KIF25: variants seen among roughly 807,000 people sequenced by gnomAD.
KIF25 encodes kinesin family member 25, also known as kinesin-like protein KIF25.
KIF25 carries 19 observed loss-of-function variants against 32.9 expected under a neutral mutation model. The observed-to-expected ratio is 0.58, with a 90% CI of 0.40 to 0.85. The LOEUF is 0.85. KIF25 is among the 40% of genes least tolerant of loss of function. KIF25 has a pLI of 0.00. For synonymous variants in KIF25, 225 were observed against 213.7 expected (o/e 1.05, Z -0.46); for missense variants, 485 against 507.0 (o/e 0.96, Z 0.42).
intron 4 of KIF25, among the ~76,000 whole-genome samples, chr6:168,006,157 G>T (rs1338742595): frequency 6.6e-6 from 1 of 151,980 alleles, no homozygotes; most frequent in Non-Finnish European, 1.5e-5. Context: ...CTCTCCATGT[G>T]ACATTAATTT....
chr6:168,013,166 C>T lies in KIF25; in HGVS notation c.-162-4807C>T, dbSNP rs549609946. The stretch of plus-strand genomic sequence containing the variant: ...TGTCCTGAGCACAGGTGCCCAGCCC[C>T]TCCTCTGGCCTGGAGGTGTATTAGC... On this transcript the variant is annotated intron_variant, in intron 4 of 12. Transcript: ENST00000643607. 3.9e-5 allele frequency among the ~76,000 whole-genome samples: 6 copies of T among 152,010 alleles called. No homozygotes were observed. In the South Asian group the frequency reaches 1.2e-3, roughly 32 times the overall value.
intron 4 of KIF25, among the ~76,000 whole-genome samples, chr6:168,006,003 ATG>A (rs905570353): frequency 6.6e-6 from 1 of 152,152 alleles, no homozygotes; most frequent in African/African-American, 2.4e-5. Context: ...GGCGGCTCTC[ATG>A]GGAGGGTCAG....
chr6:168,043,339 T>C (rs922007005), intron 12 of KIF25, among the ~76,000 whole-genome samples: 1 of 152,140 alleles, frequency 6.6e-6, no homozygotes, highest in African/African-American at 2.4e-5. Context: ...GAGGTGGCCC[T>C]GGGCCCTGTA....
intron 4 of KIF25, among the ~76,000 whole-genome samples, chr6:168,004,997 CTAGTAATAA>C (rs1798559642): frequency 6.6e-6 from 1 of 152,222 alleles, no homozygotes; most frequent in African/African-American, 2.4e-5. Context: ...CCTGGCTTCT[CTAGTAATAA>C]CTTTTGTTTT....
At chr6:168,016,387 C>T (rs1461233527) in intron 4 of KIF25, among the ~76,000 whole-genome samples, 1 of 152,268 alleles carries the variant, frequency 6.6e-6, no homozygotes, top group East Asian at 1.9e-4. Context: ...CACGCGCAAC[C>T]TCCACATCCT....
intron 5 of KIF25, among the ~76,000 whole-genome samples, chr6:168,020,333 A>G (rs1262047976): frequency 1.3e-5 from 2 of 152,202 alleles, no homozygotes; most frequent in Non-Finnish European, 2.9e-5. Flanking sequence ...GCCAGTGAAA[A>G]TGTCTTTCAA....
chr6:168,001,095 G>A (rs1798494443), intron 2 of KIF25, among the ~76,000 whole-genome samples: 1 of 152,240 alleles, frequency 6.6e-6, no homozygotes, highest in South Asian at 2.1e-4. Flanking sequence ...CTTGTCACTT[G>A]TCAAAGGACT....
chr6:168,036,746 G>A (rs1227694787), intron 8 of KIF25, among the ~76,000 whole-genome samples: 3 of 152,218 alleles, frequency 2.0e-5, no homozygotes, highest in African/African-American at 7.2e-5. Context: ...TGCCTAAGGT[G>A]TGGAGAGGAG....
At chr6:168,042,865 C>G (rs1799149788) in intron 12 of KIF25, 149 bp downstream of exon 12, 1 of 917,432 alleles carries the variant, frequency 1.1e-6, no homozygotes, top group East Asian at 2.7e-5. Flanking sequence ...ACTCCCACGG[C>G]ACGGTGGTCA....
At chr6:168,041,021 A>G (rs901445487) in intron 10 of KIF25, among the ~76,000 whole-genome samples, 1 of 152,206 alleles carries the variant, frequency 6.6e-6, no homozygotes, top group Non-Finnish European at 1.5e-5. Context: ...CAGGGCTGGG[A>G]CTGGACCCAG....
intron 8 of KIF25, among the ~76,000 whole-genome samples, chr6:168,037,515 G>A (rs1252771381): frequency 1.3e-5 from 2 of 152,192 alleles, no homozygotes; most frequent in Non-Finnish European, 2.9e-5. Flanking sequence ...AGAGGCCTTT[G>A]TTATTTGGTG....
At chr6:168,017,085 G>A (rs996441009) in intron 4 of KIF25, among the ~76,000 whole-genome samples, 40 of 152,350 alleles carry the variant, frequency 2.6e-4, no homozygotes, top group African/African-American at 8.9e-4. Flanking sequence ...ACGACTGCCC[G>A]TCCAGCAGTA....
At chr6:168,032,826 G>A (rs1052639710) in intron 7 of KIF25, among the ~76,000 whole-genome samples, 21 of 152,184 alleles carry the variant, frequency 1.4e-4, no homozygotes, top group African/African-American at 3.9e-4. Context: ...CAGATGACTC[G>A]GACGGGGGGT....
At chr6:168,025,489 C>T (rs965356937) in intron 5 of KIF25, among the ~76,000 whole-genome samples, 7 of 152,064 alleles carry the variant, frequency 4.6e-5, no homozygotes, top group African/African-American at 1.7e-4. Flanking sequence ...TCGTGGCTTG[C>T]TGGATGATGG....
intron 5 of KIF25, among the ~76,000 whole-genome samples, chr6:168,027,738 C>A (rs1798883565): frequency 6.6e-6 from 1 of 152,156 alleles, no homozygotes; most frequent in African/African-American, 2.4e-5. Context: ...AGGTCAGATG[C>A]ATGGGTTGTT....
At chr6:168,042,246 T>A (rs936345600) in intron 11 of KIF25, 95 bp downstream of exon 11, 13 of 1,302,620 alleles carry the variant, frequency 1.0e-5, no homozygotes, top group Admixed American at 2.4e-5. Context: ...CGGGAAGCTC[T>A]GGGCGAGCCA....
In KIF25 at chr6:168,042,113, G is replaced by A. The variant is rs34801387; in HGVS notation, c.791G>A (p.Arg264Gln). ...GGGCATGCGGAGCAGGTGCAGGCTC[G>A]ACTACAGCTCGTGGACTCGGCCGGC... is the stretch of plus-strand genomic sequence containing the variant. ...PAGHAEQVQA[R>Q]LQLVDSAGSE... Residue 264 changes from arginine to glutamine, a missense_variant, in exon 11 of 13, where the codon CGA becomes CAA. This residue lies in a region of KIF25 where 480 missense variants were observed against 470.3 expected (regional missense o/e 1.02). Coordinates refer to ENST00000643607, the MANE Select transcript of KIF25 (RefSeq NM_030615.4). 19 of 1,551,096 alleles carry A rather than the reference G, an allele frequency of 1.2e-5. No individual in the cohort carries two copies. Among genetic ancestry groups the A allele is most frequent in the South Asian group, 2.4e-5 (2 of 84,046 alleles).
intron 8 of KIF25, among the ~76,000 whole-genome samples, chr6:168,035,279 G>T (rs1329676386): frequency 6.6e-6 from 1 of 151,320 alleles, no homozygotes; most frequent in African/African-American, 2.4e-5. Flanking sequence ...GCGTGCTTCC[G>T]AGGCCGTTTC....
chr6:168,033,882 G>C lies in KIF25; in HGVS notation c.168G>C (p.Gly56=). The part of the protein sequence containing the change: ...VCPLLTSLLD[G]YNVCVMAYGQ... Reference sequence around the variant, plus strand: ...GGACTGAATCTGCTCTGAATTTTAGGTACAATGTTTGTGTTATGGCGTATG... The same window carrying C: ...GGACTGAATCTGCTCTGAATTTTAGCTACAATGTTTGTGTTATGGCGTATG... The change falls in exon 8 of 13, where the codon GGG becomes GGC. Residue 56 remains glycine, a splice_region_variant and synonymous_variant. Transcript: ENST00000643607. The C allele has an allele frequency of 6.2e-7, 1 of 1,612,452 alleles. No individual in the cohort carries two copies.
Sources: allele counts gnomAD v4.1 joint callset (sites outside exome capture counted in the v4.1 genomes callset), GRCh38; gene constraint gnomAD v4.1.1; regional missense constraint gnomAD v4.1.1; transcripts MANE v1.5; gene names NCBI Gene and HGNC (gene_info 2026-07-23, HGNC 2026-07-21).